GNAL: variants seen among roughly 807,000 people sequenced by gnomAD.
GNAL encodes the protein guanine nucleotide-binding protein G(olf) subunit alpha.
A neutral mutation model predicts 55.1 loss-of-function variants in GNAL; 18 were observed. The ratio of observed to expected loss-of-function variants is 0.33; its 90% CI spans 0.23 to 0.48. The LOEUF (loss-of-function observed/expected upper bound fraction) is 0.48. GNAL is among the 20% of genes least tolerant of loss of function. The pLI is 0.99. For synonymous variants in GNAL, 253 were observed against 237.0 expected, an observed-to-expected ratio of 1.07 and a Z score of -0.62; for missense variants, 412 against 614.1, an observed-to-expected ratio of 0.67 and a Z score of 3.48.
chr18:11,865,765 A>AG (rs2036249923), intron 7 of GNAL, among the ~76,000 whole-genome samples: 1 of 147,316 alleles, frequency 6.8e-6, no homozygotes, highest in Non-Finnish European at 1.5e-5. Context: ...TAAAAAAAAA[A>AG]AAAAAAAAAA....
Position 11,751,114 on chromosome 18 carries a change from C to A in GNAL, c.377-1739C>A, listed in dbSNP as rs910354076. On this transcript the variant is annotated intron_variant, in intron 1 of 11. Coordinates refer to ENST00000334049, the MANE Select transcript of GNAL (RefSeq NM_182978.4). The surrounding 1 kb of genome is among the most constrained non-coding windows in gnomAD (Gnocchi z 4.5). ...AGCTGAGCAAAGGCAAGTTAGACAG[C>A]GCAGCGCCAAGCCCGAGACGGTCAA... is the stretch of plus-strand genomic sequence containing the variant. 6.6e-6 allele frequency among the ~76,000 whole-genome samples: 1 copy of A among 152,114 alleles called. No homozygotes were observed. Among genetic ancestry groups the A allele is most frequent in the Non-Finnish European group, 1.5e-5 (1 of 68,022 alleles).
Position 11,884,192 on chromosome 18 carries a change from T to C in GNAL, c.*3057T>C. On this transcript the variant is annotated 3_prime_UTR_variant, in exon 12 of 12. Transcript: ENST00000334049. ...TAATAGCATTTACATACTGTACAGA[T>C]GCAACCTTTGATGATACATATATTT... 6.5e-6 allele frequency: 3 copies of C among 461,328 alleles called. No homozygotes were observed. The highest frequency in any genetic ancestry group is 7.9e-6 in the Non-Finnish European group (2 of 252,310). The allele number at this position is 461,328 out of a possible 1,614,324, so 28.6% of individuals were successfully genotyped here.
At chr18:11,802,199 CT>C (rs894790362) in intron 4 of GNAL, among the ~76,000 whole-genome samples, 1 of 152,074 alleles carries the variant, frequency 6.6e-6, no homozygotes, top group African/African-American at 2.4e-5. Context: ...CCCGAAAATC[CT>C]TTTGCTGGCC....
At chr18:11,756,578 A>C (rs2033064227) in intron 4 of GNAL, among the ~76,000 whole-genome samples, 1 of 151,854 alleles carries the variant, frequency 6.6e-6, no homozygotes, top group Non-Finnish European at 1.5e-5. Flanking sequence ...GACTTATATA[A>C]ATCAGGAAAT....
Position 11,761,194 on chromosome 18 carries a change from C to T in GNAL, c.624+7249C>T, listed in dbSNP as rs994473609. 1.5e-4 allele frequency among the ~76,000 whole-genome samples: 23 copies of T among 152,168 alleles called. 1 individual carries two copies. Among genetic ancestry groups the T allele is most frequent in the Admixed American group, 4.6e-4 (7 of 15,274 alleles). ...GTCAGTCGCACCCCTTAGCTGTCAC[C>T]GCCTGCACCTCCACCTCAAGCCAGC... On this transcript the variant is annotated intron_variant, in intron 4 of 11. Coordinates refer to ENST00000334049, the MANE Select transcript of GNAL (RefSeq NM_182978.4).
chr18:11,754,322 C>A (rs909948400), intron 4 of GNAL, among the ~76,000 whole-genome samples: 2 of 151,460 alleles, frequency 1.3e-5, no homozygotes, highest in Admixed American at 1.3e-4. Flanking sequence ...GAGGCTGAGG[C>A]AGGGGAATTG....
intron 5 of GNAL, among the ~76,000 whole-genome samples, chr18:11,833,899 T>G (rs2035444177): frequency 6.6e-6 from 1 of 152,160 alleles, no homozygotes. Context: ...AGAAGACAAG[T>G]CCCCTGGTGA....
Position 11,885,450 on chromosome 18 carries a change from C to T in GNAL, c.*4315C>T, listed in dbSNP as rs984665580. 1.6e-5 allele frequency: 9 copies of T among 553,620 alleles called. No individual in the cohort carries two copies. Among genetic ancestry groups the T allele is most frequent in the African/African-American group, 7.5e-5 (4 of 53,032 alleles). 34.3% of individuals were successfully genotyped at this position (553,620 alleles called of 1,614,324 possible). On this transcript the variant is annotated 3_prime_UTR_variant, in exon 12 of 12. Transcript: ENST00000334049. ...CCCTGAAGGATAAAGTCCACCTGGA[C>T]GGTGCCCTGCCCTCGCTTCTCACAT...
chr18:11,851,531 A>T, intron 5 of GNAL: 8 of 1,599,932 alleles, frequency 5.0e-6, no homozygotes, highest in Non-Finnish European at 6.8e-6. Context: ...ATGGAGAAAC[A>T]CCTGTTCAAC....
intron 11 of GNAL, among the ~76,000 whole-genome samples, chr18:11,878,611 G>A (rs962483561): frequency 6.6e-6 from 1 of 152,046 alleles, no homozygotes; most frequent in Admixed American, 6.6e-5. Flanking sequence ...TGTCACCCAG[G>A]CTGCCTGGAG....
At chr18:11,830,282 CT>C (rs71172023) in intron 5 of GNAL, among the ~76,000 whole-genome samples, 1,424 of 99,132 alleles carry the variant, frequency 0.014, 16 homozygotes, top group African/African-American at 0.048. Context: ...AGAATTGCAT[CT>C]TTTTTTTTTT....
chr18:11,811,884 A>AG (rs1455672584), intron 4 of GNAL, among the ~76,000 whole-genome samples: 1 of 152,240 alleles, frequency 6.6e-6, no homozygotes, highest in African/African-American at 2.4e-5. Context: ...TTTGTCAGAT[A>AG]ACTTAGAGGC....
At chr18:11,829,676 T>G (rs1170334216) in intron 5 of GNAL, among the ~76,000 whole-genome samples, 1 of 152,166 alleles carries the variant, frequency 6.6e-6, no homozygotes, top group Non-Finnish European at 1.5e-5. Flanking sequence ...CTCATTCATA[T>G]TTAAATGCCC....
At chr18:11,844,538 T>G (rs961403506) in intron 5 of GNAL, among the ~76,000 whole-genome samples, 2 of 152,228 alleles carry the variant, frequency 1.3e-5, no homozygotes, top group Admixed American at 6.5e-5. Flanking sequence ...TTAAACTTAA[T>G]CTAATTGAGA....
chr18:11,736,637 A>T (rs77751518), intron 1 of GNAL, among the ~76,000 whole-genome samples: 1 of 152,316 alleles, frequency 6.6e-6, no homozygotes, highest in Non-Finnish European at 1.5e-5. Context: ...CTAGCTCATG[A>T]AGAACAACCT....
At chr18:11,760,259 G>A (rs1389029735) in intron 4 of GNAL, among the ~76,000 whole-genome samples, 1 of 152,182 alleles carries the variant, frequency 6.6e-6, no homozygotes, top group Non-Finnish European at 1.5e-5. Context: ...CAATTGGGAT[G>A]TCACACAGTG....
intron 1 of GNAL, among the ~76,000 whole-genome samples, chr18:11,694,713 G>A (rs771443208): frequency 3.3e-5 from 5 of 152,194 alleles, no homozygotes; most frequent in Non-Finnish European, 7.3e-5. Context: ...TCTTGAGCAT[G>A]AGGTATGTGT....
intron 1 of GNAL, among the ~76,000 whole-genome samples, chr18:11,738,832 G>C (rs2032513068): frequency 6.6e-6 from 1 of 152,160 alleles, no homozygotes; most frequent in Non-Finnish European, 1.5e-5. Context: ...TGTGTAGTAT[G>C]AGTCCGTGCA....
chr18:11,715,331 G>A (rs544189187), intron 1 of GNAL, among the ~76,000 whole-genome samples: 1 of 150,976 alleles, frequency 6.6e-6, no homozygotes. Context: ...CGTGGTGGTG[G>A]GCACCTGTAG....
Sources: allele counts gnomAD v4.1 joint callset (sites outside exome capture counted in the v4.1 genomes callset), GRCh38; gene constraint gnomAD v4.1.1; non-coding constraint Gnocchi (gnomAD v3.1); transcripts MANE v1.5; gene names NCBI Gene and HGNC (gene_info 2026-07-23, HGNC 2026-07-21).